ROR2: variants seen among roughly 807,000 people sequenced by gnomAD.
The protein encoded by ROR2 is ROR family WNT receptor 2.
In ROR2, 33 loss-of-function variants were observed where a neutral mutation model predicts 74.9. The ratio of observed to expected loss-of-function variants is 0.44; its 90% CI spans 0.33 to 0.59. The LOEUF (loss-of-function observed/expected upper bound fraction) is 0.59. Among genes scored for constraint, ROR2 ranks in the 20% least tolerant of loss-of-function variants. The pLI is 0.02. For synonymous variants in ROR2, 586 were observed against 558.7 expected (o/e 1.05, Z -0.69); for missense variants, 1,216 against 1,313.8 (o/e 0.93, Z 1.15).
At chr9:91,841,879 G>A (rs1828793185) in intron 1 of ROR2, among the ~76,000 whole-genome samples, 1 of 152,214 alleles carries the variant, frequency 6.6e-6, no homozygotes, top group Non-Finnish European at 1.5e-5. Context: ...TCCACATTCT[G>A]TGCATGGCCC....
intron 1 of ROR2, among the ~76,000 whole-genome samples, chr9:91,935,946 G>T (rs1349064322): frequency 6.6e-6 from 1 of 152,188 alleles, no homozygotes; most frequent in Non-Finnish European, 1.5e-5. Context: ...GATGACAAGC[G>T]GTGAACACAC....
chr9:91,942,454 C>T (rs1458423407), intron 1 of ROR2, among the ~76,000 whole-genome samples: 1 of 152,150 alleles, frequency 6.6e-6, no homozygotes, highest in Non-Finnish European at 1.5e-5. Flanking sequence ...GTTTAGCACT[C>T]ATTCATGACG....
intron 1 of ROR2, among the ~76,000 whole-genome samples, chr9:91,875,039 T>C (rs76818483): frequency 0.025 from 3,744 of 152,284 alleles, 143 homozygotes; most frequent in African/African-American, 0.084. Flanking sequence ...GACACTTACA[T>C]GATCTAAATG....
intron 1 of ROR2, among the ~76,000 whole-genome samples, chr9:91,812,568 C>G (rs940921892): frequency 1.1e-4 from 17 of 147,842 alleles, no homozygotes; most frequent in Non-Finnish European, 2.0e-4. Flanking sequence ...GCCCCACCCC[C>G]CCCACACACA....
chr9:91,738,962 G>T (rs1367891925), intron 4 of ROR2, among the ~76,000 whole-genome samples: 1 of 152,186 alleles, frequency 6.6e-6, no homozygotes, highest in Non-Finnish European at 1.5e-5. Flanking sequence ...AAGTATCCTG[G>T]AGGATTTTAA....
At chr9:91,820,591 G>T (rs10992123) in intron 1 of ROR2, among the ~76,000 whole-genome samples, 2 of 148,742 alleles carry the variant, frequency 1.3e-5, no homozygotes, top group East Asian at 4.1e-4. Context: ...CCACACCCAC[G>T]TGCGCAATGC....
chr9:91,827,329 GA>G (rs1417593866), intron 1 of ROR2, among the ~76,000 whole-genome samples: 3 of 151,330 alleles, frequency 2.0e-5, no homozygotes, highest in Non-Finnish European at 4.4e-5. Context: ...TTTTTAATGT[GA>G]CTTTTAAAAG....
At chr9:91,938,240 C>T (rs1831753123) in intron 1 of ROR2, among the ~76,000 whole-genome samples, 1 of 152,168 alleles carries the variant, frequency 6.6e-6, no homozygotes, top group African/African-American at 2.4e-5. Context: ...GGAGGGATCT[C>T]TTGAGTCCGG....
rs116575430 is a variant in ROR2 at position 91,911,035 on chromosome 9, T to G, written c.97+38832A>C. 9.4e-3 allele frequency among the ~76,000 whole-genome samples: 1,426 copies of G among 152,332 alleles called. 18 individuals carry two copies. The highest frequency in any genetic ancestry group is 0.032 in the African/African-American group (1,318 of 41,564). On this transcript the variant is annotated intron_variant, in intron 1 of 8. Transcript: ENST00000375708. ...AACAATAGAAAATGCTTCAGAACAC[T>G]ATTAGTCATTCACTACAAATGATGC... is the stretch of plus-strand genomic sequence containing the variant.
rs1381593536 is a variant in ROR2 at position 91,943,387 on chromosome 9, TAC to T, written c.97+6478_97+6479del. Among the ~76,000 whole-genome samples the T allele has an allele frequency of 3.3e-5, 5 of 151,888 alleles. 1 individual carries two copies. The highest frequency in any genetic ancestry group is 1.2e-4 in the African/African-American group (5 of 41,352). ...ACGGTGCATAATTTAACATAATATA[TAC>T]CAAATATATATATAAATGAAAGCAT... On this transcript the variant is annotated intron_variant, in intron 1 of 8. Coordinates refer to ENST00000375708, the MANE Select transcript of ROR2 (RefSeq NM_004560.4).
At chr9:91,792,596 T>G (rs570491106) in intron 1 of ROR2, among the ~76,000 whole-genome samples, 1 of 151,896 alleles carries the variant, frequency 6.6e-6, no homozygotes, top group Admixed American at 6.6e-5. Context: ...GCATGAGCCA[T>G]GCGCCCAGCC....
intron 1 of ROR2, among the ~76,000 whole-genome samples, chr9:91,830,854 G>GTGTA (rs1587762277): frequency 7.2e-6 from 1 of 139,188 alleles, no homozygotes; most frequent in East Asian, 2.1e-4. Flanking sequence ...GTGTGTGTGT[G>GTGTA]TAGAGAAACT....
chr9:91,844,587 T>A (rs1317475660), intron 1 of ROR2, among the ~76,000 whole-genome samples: 1 of 152,170 alleles, frequency 6.6e-6, no homozygotes, highest in Non-Finnish European at 1.5e-5. Flanking sequence ...ATTCTTAGTT[T>A]TAGGAGGCAG....
intron 1 of ROR2, among the ~76,000 whole-genome samples, chr9:91,894,987 A>C (rs1225698899): frequency 6.6e-6 from 1 of 152,264 alleles, no homozygotes; most frequent in East Asian, 1.9e-4. Context: ...TATTTACAGC[A>C]GCTTCATTCA....
chr9:91,858,311 A>G lies in ROR2; in HGVS notation c.98-82493T>C, dbSNP rs187863201. Among the ~76,000 whole-genome samples, 103 of 152,314 alleles carry G rather than the reference A, an allele frequency of 6.8e-4. 1 individual carries two copies. The highest frequency in any genetic ancestry group is 1.1e-3 in the Admixed American group (17 of 15,296). ...CGCATGCATCCACACGGGCATACAC[A>G]TCTAAGCACAGGCACACACATGCAG... On this transcript the variant is annotated intron_variant, in intron 1 of 8. Transcript: ENST00000375708.
chr9:91,739,134 A>G (rs1411381324), intron 4 of ROR2, among the ~76,000 whole-genome samples: 1 of 152,116 alleles, frequency 6.6e-6, no homozygotes, highest in Non-Finnish European at 1.5e-5. Flanking sequence ...TCTGGAACCT[A>G]CCCCATAAGC....
rs1824909537 is a variant in ROR2, at chr9:91,733,639, T to C, written c.623-203A>G. Among the ~76,000 whole-genome samples the C allele has an allele frequency of 6.8e-6, 1 of 147,556 alleles. No homozygotes were observed. The highest frequency in any genetic ancestry group is 1.5e-5 in the Non-Finnish European group (1 of 67,492). On this transcript the variant is annotated intron_variant, in intron 5 of 8. Coordinates refer to ENST00000375708, the MANE Select transcript of ROR2 (RefSeq NM_004560.4). The surrounding 1 kb of genome is among the most constrained non-coding windows in gnomAD (Gnocchi z 5.7). ...GCAGGCCAGCCTGCCCATCACCTGC[T>C]CTGATTTGCAGCAGTCACAGAAAAG...
At chr9:91,944,499 T>C (rs1036946240) in intron 1 of ROR2, among the ~76,000 whole-genome samples, 1 of 152,194 alleles carries the variant, frequency 6.6e-6, no homozygotes, top group African/African-American at 2.4e-5. Context: ...TTTGAGCTAA[T>C]AAGCAAATTC....
intron 2 of ROR2, among the ~76,000 whole-genome samples, chr9:91,766,007 A>G (rs533775057): frequency 6.6e-6 from 1 of 152,272 alleles, no homozygotes; most frequent in South Asian, 2.1e-4. Context: ...TAGGTTTCTT[A>G]TTTCATTTAC....
Sources: gnomAD v4.1 joint callset for allele counts (sites outside exome capture counted in the v4.1 genomes callset) on GRCh38, gnomAD v4.1.1 for gene constraint, Gnocchi (gnomAD v3.1) non-coding constraint, MANE v1.5 for transcripts, NCBI Gene and HGNC (gene_info 2026-07-23, HGNC 2026-07-21) for gene names.